SAMD12: variants seen among roughly 807,000 people sequenced by gnomAD.
SAMD12 encodes the protein sterile alpha motif domain containing 12, also known as sterile alpha motif domain-containing protein 12.
SAMD12 carries 9 observed loss-of-function variants against 15.0 expected under a neutral mutation model. The ratio of observed to expected loss-of-function variants is 0.60; its 90% CI spans 0.36 to 1.05. The LOEUF (loss-of-function observed/expected upper bound fraction) is 1.05, where lower values mean the gene tolerates loss of function less well. Ranked by LOEUF, SAMD12 falls within the 50% of genes least tolerant of loss-of-function variation. The pLI is 0.01. For synonymous variants in SAMD12, 86 were observed against 90.1 expected (o/e 0.96, Z 0.25); for missense variants, 230 against 234.2 (o/e 0.98, Z 0.12).
intron 3 of SAMD12, among the ~76,000 whole-genome samples, chr8:118,415,448 G>GGTGTGTGTGT (rs58176749): frequency 0.065 from 9,331 of 142,838 alleles, 373 homozygotes; most frequent in East Asian, 0.13. Flanking sequence ...CTTGTCCTAA[G>GGTGTGTGTGT]GTGTGTGTGT....
intron 3 of SAMD12, among the ~76,000 whole-genome samples, chr8:118,418,908 C>A (rs1821856792): frequency 6.6e-6 from 1 of 152,020 alleles, no homozygotes; most frequent in Admixed American, 6.5e-5. Flanking sequence ...CTAATTATCT[C>A]AAAAAAGGAT....
intron 4 of SAMD12, among the ~76,000 whole-genome samples, chr8:118,199,143 T>C (rs2129764283): frequency 6.6e-6 from 1 of 152,324 alleles, no homozygotes; most frequent in East Asian, 1.9e-4. Context: ...AGAAAAGAAC[T>C]GTATGTGAAA....
intron 2 of SAMD12, among the ~76,000 whole-genome samples, chr8:118,546,905 A>G (rs993223871): frequency 3.9e-5 from 6 of 152,104 alleles, no homozygotes; most frequent in Non-Finnish European, 8.8e-5. Context: ...CACAAAACCA[A>G]ATTCAGGCAT....
chr8:118,315,343 TATAG>T, intron 4 of SAMD12, among the ~76,000 whole-genome samples: 1 of 152,290 alleles, frequency 6.6e-6, no homozygotes, highest in South Asian at 2.1e-4. Context: ...ATCAGGTCAA[TATAG>T]ATATTCACCT....
intron 2 of SAMD12, among the ~76,000 whole-genome samples, chr8:118,515,730 G>A (rs1403820166): frequency 1.3e-5 from 2 of 152,050 alleles, no homozygotes; most frequent in African/African-American, 2.4e-5. Context: ...TTCATATTCT[G>A]GTATATGAAA....
intron 4 of SAMD12, among the ~76,000 whole-genome samples, chr8:118,359,170 G>A (rs1818372975): frequency 6.6e-6 from 1 of 152,120 alleles, no homozygotes; most frequent in South Asian, 2.1e-4. Flanking sequence ...GGTCTTTAAA[G>A]AGGCAATTAA....
chr8:118,498,187 C>G (rs1011298464), intron 2 of SAMD12, among the ~76,000 whole-genome samples: 1 of 152,126 alleles, frequency 6.6e-6, no homozygotes, highest in Non-Finnish European at 1.5e-5. Flanking sequence ...CTTTTAAAGA[C>G]GGTGTTTTGC....
At chr8:118,603,763 C>T (rs1411647913) in intron 1 of SAMD12, among the ~76,000 whole-genome samples, 2 of 152,058 alleles carry the variant, frequency 1.3e-5, no homozygotes, top group South Asian at 2.1e-4. Context: ...GAGAACAGAA[C>T]GACCTATTCG....
intron 4 of SAMD12, among the ~76,000 whole-genome samples, chr8:118,300,376 T>C (rs1256367651): frequency 6.6e-6 from 1 of 152,166 alleles, no homozygotes; most frequent in Non-Finnish European, 1.5e-5. Context: ...GAAATCCACT[T>C]AAGACATCTT....
At chr8:118,432,796 C>G (rs1177796206) in intron 3 of SAMD12, among the ~76,000 whole-genome samples, 1 of 152,044 alleles carries the variant, frequency 6.6e-6, no homozygotes, top group African/African-American at 2.4e-5. Context: ...TTCAGTGGGC[C>G]TTCAGCTTAG....
At chr8:118,612,378 GTGGCATTTC>G (rs146939054) in intron 1 of SAMD12, among the ~76,000 whole-genome samples, 385 of 152,286 alleles carry the variant, frequency 2.5e-3, no homozygotes, top group Non-Finnish European at 4.5e-3. Flanking sequence ...GCCAAAACAA[GTGGCATTTC>G]TGGGCTATAT....
At chr8:118,319,497 T>C (rs955471954) in intron 4 of SAMD12, among the ~76,000 whole-genome samples, 5 of 152,214 alleles carry the variant, frequency 3.3e-5, no homozygotes, top group Non-Finnish European at 5.9e-5. Flanking sequence ...TTTTCATTCA[T>C]AACTGAGCTA....
chr8:118,429,086 A>G (rs1822321283), intron 3 of SAMD12, among the ~76,000 whole-genome samples: 1 of 150,206 alleles, frequency 6.7e-6, no homozygotes, highest in African/African-American at 2.4e-5. Flanking sequence ...ATATCTCACC[A>G]TTTATTTAGA....
chr8:118,353,063 T>C (rs1818040283), intron 4 of SAMD12, among the ~76,000 whole-genome samples: 1 of 152,116 alleles, frequency 6.6e-6, no homozygotes, highest in Non-Finnish European at 1.5e-5. Flanking sequence ...TATTGCTGTA[T>C]GTTTTCAGTT....
At chr8:118,326,131 A>C (rs891869357) in intron 4 of SAMD12, among the ~76,000 whole-genome samples, 2 of 152,182 alleles carry the variant, frequency 1.3e-5, no homozygotes, top group African/African-American at 4.8e-5. Context: ...GCCCTGCTCC[A>C]CTGTTGAATT....
At chr8:118,386,303 C>T (rs868128674) in intron 3 of SAMD12, among the ~76,000 whole-genome samples, 29 of 152,134 alleles carry the variant, frequency 1.9e-4, no homozygotes, top group Admixed American at 1.9e-3. Context: ...CTGCCAGTAC[C>T]CCCTTGCATG....
chr8:118,512,945 A>T (rs1342158301), intron 2 of SAMD12, among the ~76,000 whole-genome samples: 1 of 152,134 alleles, frequency 6.6e-6, no homozygotes, highest in East Asian at 1.9e-4. Flanking sequence ...CATGTGAAAG[A>T]TGTTTTGTGC....
At chr8:118,318,323 T>TATATATATATATATATATATAC (rs1816034746) in intron 4 of SAMD12, among the ~76,000 whole-genome samples, 2 of 14,218 alleles carry the variant, frequency 1.4e-4, no homozygotes, top group Non-Finnish European at 5.2e-4. Context: ...TATATATATA[T>TATATATATATATATATATATAC]ATATATATAT....
At chr8:118,500,067 CTTT>C (rs563321387) in intron 2 of SAMD12, among the ~76,000 whole-genome samples, 11 of 72,564 alleles carry the variant, frequency 1.5e-4, no homozygotes, top group East Asian at 1.0e-3. Context: ...TGAGTTTTGC[CTTT>C]TTTTTTTTTT....
Sources: allele counts gnomAD v4.1 joint callset (sites outside exome capture counted in the v4.1 genomes callset), GRCh38; gene constraint gnomAD v4.1.1; transcripts MANE v1.5; gene names NCBI Gene and HGNC (gene_info 2026-07-23, HGNC 2026-07-21).